Variants in CYP4X1 observed in about 807,000 individuals in gnomAD.
CYP4X1 encodes the protein cytochrome P450 4X1.
A neutral mutation model predicts 57.9 loss-of-function variants in CYP4X1; 44 were observed. That is an observed-to-expected ratio of 0.76 (90% CI 0.60 to 0.98). CYP4X1 has a LOEUF of 0.98. Among genes scored for constraint, CYP4X1 ranks in the 50% least tolerant of loss-of-function variants. The pLI is 0.00. For missense variants in CYP4X1, 532 were observed against 623.9 expected, an observed-to-expected ratio of 0.85 and a Z score of 1.57; for synonymous variants, 227 against 228.6, an observed-to-expected ratio of 0.99 and a Z score of 0.06.
chr1:46,965,274 T>G, the CYP4X1 span, among the ~76,000 whole-genome samples: 1 of 152,162 alleles, frequency 6.6e-6, no homozygotes, highest in Non-Finnish European at 1.5e-5. Flanking sequence ...ACCCACTGTC[T>G]GACAATACCC....
chr1:47,013,759 CTTTTTTTTTTTT>C, the CYP4X1 span, among the ~76,000 whole-genome samples: 2 of 122,118 alleles, frequency 1.6e-5, no homozygotes, highest in South Asian at 2.7e-4. Context: ...TCAATATACT[CTTTTTTTTTTTT>C]TTTTTTTTTG....
chr1:46,971,951 T>C, the CYP4X1 span, among the ~76,000 whole-genome samples: 1 of 152,248 alleles, frequency 6.6e-6, no homozygotes, highest in African/African-American at 2.4e-5. Context: ...AGATCCCATT[T>C]GTCAATTTTT....
intron 8 of CYP4X1, among the ~76,000 whole-genome samples, chr1:47,040,951 C>A (rs1296785438): frequency 6.6e-6 from 1 of 152,108 alleles, no homozygotes; most frequent in African/African-American, 2.4e-5. Flanking sequence ...TGTAATCCCC[C>A]ATTCTCCCAC....
chr1:46,974,348 G>A, the CYP4X1 span, among the ~76,000 whole-genome samples: 9 of 152,156 alleles, frequency 5.9e-5, no homozygotes, highest in African/African-American at 1.7e-4. Context: ...ATGACCAAGC[G>A]TAGGGTCCAT....
chr1:47,032,262 C>T (rs1473169344), intron 3 of CYP4X1, among the ~76,000 whole-genome samples: 1 of 152,052 alleles, frequency 6.6e-6, no homozygotes, highest in South Asian at 2.1e-4. Context: ...TTATGTTAAA[C>T]AAGACATGAA....
At chr1:46,999,829 C>T in the CYP4X1 span, among the ~76,000 whole-genome samples, 63 of 151,968 alleles carry the variant, frequency 4.1e-4, no homozygotes, top group South Asian at 2.9e-3. Context: ...CAGTTTTACC[C>T]CCTCCTTGTC....
the CYP4X1 span, among the ~76,000 whole-genome samples, chr1:47,006,256 T>C: frequency 6.6e-6 from 1 of 152,228 alleles, no homozygotes; most frequent in African/African-American, 2.4e-5. Flanking sequence ...AACTGTGGAA[T>C]TGTTCTTATC....
the CYP4X1 span, among the ~76,000 whole-genome samples, chr1:46,981,235 T>C: frequency 6.6e-6 from 1 of 152,298 alleles, no homozygotes; most frequent in Middle Eastern, 3.4e-3. Context: ...TCTACCCATC[T>C]AACAAGGGCT....
At chr1:46,991,857 A>G in the CYP4X1 span, among the ~76,000 whole-genome samples, 1 of 152,178 alleles carries the variant, frequency 6.6e-6, no homozygotes, top group East Asian at 1.9e-4. Context: ...TATAGATCTG[A>G]TTCTCCTCTG....
the CYP4X1 span, among the ~76,000 whole-genome samples, chr1:46,971,098 T>G: frequency 5.9e-5 from 9 of 152,166 alleles, no homozygotes; most frequent in Admixed American, 5.2e-4. Flanking sequence ...CACCCTCAAG[T>G]AGGCCATGGT....
At chr1:46,999,044 GTGT>G in the CYP4X1 span, among the ~76,000 whole-genome samples, 1 of 151,452 alleles carries the variant, frequency 6.6e-6, no homozygotes, top group South Asian at 2.1e-4. Context: ...GTGTGTGTGT[GTGT>G]GTGTGTGTGT....
chr1:47,001,187 A>G, the CYP4X1 span: 1 of 170,244 alleles, frequency 5.9e-6, no homozygotes, highest in African/African-American at 2.4e-5. Flanking sequence ...TTCAGGGTCC[A>G]CCTTCATTTA....
the CYP4X1 span, among the ~76,000 whole-genome samples, chr1:46,975,270 T>C: frequency 1.3e-5 from 2 of 152,210 alleles, no homozygotes; most frequent in African/African-American, 2.4e-5. Context: ...TTGTGGTCTA[T>C]GTATTGAAGT....
intron 7 of CYP4X1, 133 bp from the exon 8 acceptor site, chr1:47,039,209 T>G: frequency 1.3e-6 from 1 of 782,652 alleles, no homozygotes; most frequent in Non-Finnish European, 1.9e-6. Flanking sequence ...ATACCACATA[T>G]TTGTTGAACT....
chr1:47,052,847 T>C (rs1644368156), downstream of CYP4X1, among the ~76,000 whole-genome samples: 1 of 152,164 alleles, frequency 6.6e-6, no homozygotes, highest in South Asian at 2.1e-4. Context: ...TATGTTTATC[T>C]TTGTTTTGTT....
the CYP4X1 span, among the ~76,000 whole-genome samples, chr1:47,002,139 T>C: frequency 3.3e-5 from 5 of 152,368 alleles, no homozygotes; most frequent in East Asian, 3.9e-4. Flanking sequence ...AAGGGAGCAA[T>C]GTGTCTGGAG....
At chr1:46,985,047 C>T in the CYP4X1 span, among the ~76,000 whole-genome samples, 2 of 152,158 alleles carry the variant, frequency 1.3e-5, no homozygotes, top group Admixed American at 6.5e-5. Flanking sequence ...ATTACTAAGG[C>T]TTGAGTAGGT....
intron 8 of CYP4X1, among the ~76,000 whole-genome samples, chr1:47,043,599 T>C (rs1644270768): frequency 6.6e-6 from 1 of 152,180 alleles, no homozygotes; most frequent in Non-Finnish European, 1.5e-5. Flanking sequence ...TCTGATGTTC[T>C]AGAATTTTTA....
At chr1:47,053,554 T>C (rs554736322), downstream of CYP4X1, among the ~76,000 whole-genome samples, 216 of 152,332 alleles carry the variant, frequency 1.4e-3, no homozygotes, top group African/African-American at 4.9e-3. Flanking sequence ...AGTGTTCTTA[T>C]TTCTCCACAT....
Sources: allele counts gnomAD v4.1 joint callset (sites outside exome capture counted in the v4.1 genomes callset), GRCh38; gene constraint gnomAD v4.1.1; transcripts MANE v1.5; gene names NCBI Gene and HGNC (gene_info 2026-07-23, HGNC 2026-07-21).